Variants in ABR observed in about 807,000 individuals in gnomAD.
The protein encoded by ABR is ABR activator of RhoGEF and GTPase.
ABR carries 35 observed loss-of-function variants against 107.2 expected under a neutral mutation model. The observed-to-expected ratio is 0.33, with a 90% CI of 0.25 to 0.43. ABR has a LOEUF of 0.43. Among genes scored for constraint, ABR ranks in the 20% least tolerant of loss-of-function variants. The pLI, the probability that ABR is intolerant of heterozygous loss-of-function variation, is 1.00. For synonymous variants in ABR, 498 were observed against 462.0 expected, an observed-to-expected ratio of 1.08 and a Z score of -1.00; for missense variants, 815 against 1,115.2, an observed-to-expected ratio of 0.73 and a Z score of 3.83.
upstream of ABR, among the ~76,000 whole-genome samples, chr17:1,183,188 C>G (rs8068232): frequency 6.6e-6 from 1 of 152,092 alleles, no homozygotes; most frequent in Non-Finnish European, 1.5e-5. Context: ...AAATGTGGAC[C>G]GGGTGGGGAC....
intron 2 of ABR, among the ~76,000 whole-genome samples, chr17:1,105,545 G>A (rs2038190606): frequency 1.3e-5 from 2 of 152,150 alleles, no homozygotes; most frequent in Non-Finnish European, 2.9e-5. Flanking sequence ...AGGTGAAACA[G>A]AAATAGAGAT....
chr17:1,097,406 C>T (rs1330180894), intron 3 of ABR, among the ~76,000 whole-genome samples: 1 of 152,052 alleles, frequency 6.6e-6, no homozygotes, highest in Non-Finnish European at 1.5e-5. Context: ...GCCTGGCCAA[C>T]ATGGTGAAAT....
At chr17:1,214,228 C>G (rs951385133) in intron 1 of ABR, among the ~76,000 whole-genome samples, 1 of 151,964 alleles carries the variant, frequency 6.6e-6, no homozygotes, top group Non-Finnish European at 1.5e-5. Flanking sequence ...CCCCGCCCCC[C>G]ACCACCACCT....
chr17:1,070,734 G>A lies in ABR; in HGVS notation c.895-644C>T, dbSNP rs576670235. On this transcript the variant is annotated intron_variant, in intron 8 of 22. Transcript: ENST00000302538. The surrounding 1 kb of genome is among the most constrained non-coding windows in gnomAD (Gnocchi z 4.2). ...GGGCTCTGGGTGGTTTCTGCTCCACGTGGGAGTTCCAGAGTTTCCAACCCC... is the reference window on the plus strand; with the variant it reads ...GGGCTCTGGGTGGTTTCTGCTCCACATGGGAGTTCCAGAGTTTCCAACCCC... 3.5e-4 allele frequency among the ~76,000 whole-genome samples: 53 copies of A among 152,274 alleles called. No individual in the cohort carries two copies. The highest frequency in any genetic ancestry group is 9.4e-4 in the African/African-American group (39 of 41,564).
In ABR at chr17:1,011,984, G is replaced by A. The variant is rs776045570; in HGVS notation, c.1963C>T (p.Arg655Trp). ...FGVKISVVTK[R>W]ERSKVPYIVR... Reference sequence around the variant, plus strand: ...ATGTAGGGCACCTTGGAGCGCTCCCGCCTGGGGTGGAGCGTGAGGATGGGT... The same window carrying A: ...ATGTAGGGCACCTTGGAGCGCTCCCACCTGGGGTGGAGCGTGAGGATGGGT... The change falls in exon 19 of 23, where the codon CGG becomes TGG. Residue 655 changes from arginine (R) to tryptophan (W), a missense_variant and splice_region_variant. By Grantham distance (101) the Arg-to-Trp change is moderately radical. Coordinates refer to ENST00000302538, the MANE Select transcript of ABR (RefSeq NM_021962.5). This position sits in a 1 kb window ranked among gnomAD's most constrained non-coding sequence, Gnocchi z 4.8. The A allele has an allele frequency of 1.9e-6, 3 of 1,612,608 alleles. No homozygotes were observed. Among genetic ancestry groups the A allele is most frequent in the Non-Finnish European group, 2.5e-6 (3 of 1,179,068 alleles).
At chr17:1,187,338 C>T (rs1461864988), upstream of ABR, 2 of 152,362 alleles carry the variant, frequency 1.3e-5, no homozygotes, top group African/African-American at 4.8e-5. Context: ...TGCCTCTGCC[C>T]GTCCTGCGGC....
At chr17:1,064,123 A>T (rs1398798433) in intron 10 of ABR, among the ~76,000 whole-genome samples, 5 of 117,650 alleles carry the variant, frequency 4.2e-5, no homozygotes, top group African/African-American at 1.8e-4. Flanking sequence ...TTGTTATGTG[A>T]ACTGAGGGCT....
rs751194022 is a variant in ABR at position 1,216,990 on chromosome 17, C to T, written c.838+11803G>A. Among the ~76,000 whole-genome samples the T allele has an allele frequency of 7.3e-4, 111 of 152,290 alleles. 1 individual carries two copies. In the Middle Eastern group the frequency reaches 0.017, roughly 23 times the overall value. ...GCATGGTGAGCTGTGCTCAGAGAGC[C>T]AGCGGATGCCAGCCCAGCCTGCTGC... On this transcript the variant is annotated intron_variant, in intron 1 of 22. Coordinates refer to the ABR transcript ENST00000574139.
At chr17:1,180,967 A>G (rs1227129583), upstream of ABR, among the ~76,000 whole-genome samples, 2 of 152,160 alleles carry the variant, frequency 1.3e-5, no homozygotes, top group Non-Finnish European at 2.9e-5. Context: ...ACCCAGGGAA[A>G]GGGAAGCAGT....
intron 1 of ABR, among the ~76,000 whole-genome samples, chr17:1,155,296 C>T (rs2040996001): frequency 6.6e-6 from 1 of 152,122 alleles, no homozygotes; most frequent in Non-Finnish European, 1.5e-5. Flanking sequence ...GGCACCAAGA[C>T]CCTTCATGGG....
At chr17:1,044,617 C>T (rs2031270399) in intron 16 of ABR, among the ~76,000 whole-genome samples, 1 of 151,604 alleles carries the variant, frequency 6.6e-6, no homozygotes, top group Non-Finnish European at 1.5e-5. Flanking sequence ...CGCCATTGCA[C>T]TCCAGCCTGG....
intron 16 of ABR, chr17:1,031,902 GTCCCTCC>G (rs1030292027): frequency 1.8e-5 from 19 of 1,028,602 alleles, no homozygotes; most frequent in Middle Eastern, 7.3e-4. Context: ...CTCCGTCCGC[GTCCCTCC>G]TCCCTCCTCC....
In ABR at chr17:1,150,870, G is replaced by A. The variant is rs2040764958; in HGVS notation, c.62-25503C>T. On this transcript the variant is annotated intron_variant, in intron 1 of 22. Transcript: ENST00000302538. The surrounding 1 kb of genome is among the most constrained non-coding windows in gnomAD (Gnocchi z 4.8). ...GCCCATTCCTGAGCCTCCCTCCCTT[G>A]CTGAGCTACTGGTGCGCGTATGTGT... Among the ~76,000 whole-genome samples the A allele has an allele frequency of 6.6e-6, 1 of 152,138 alleles. No homozygotes were observed. Among genetic ancestry groups the A allele is most frequent in the Non-Finnish European group, 1.5e-5 (1 of 68,032 alleles).
At chr17:1,174,554 G>A (rs1030990974) in intron 1 of ABR, among the ~76,000 whole-genome samples, 4 of 152,180 alleles carry the variant, frequency 2.6e-5, no homozygotes, top group Admixed American at 6.5e-5. Flanking sequence ...CCATAGATGG[G>A]GCACTGAATC....
At chr17:1,152,789 T>C (rs1376097299) in intron 1 of ABR, among the ~76,000 whole-genome samples, 1 of 151,504 alleles carries the variant, frequency 6.6e-6, no homozygotes, top group East Asian at 2.0e-4. Flanking sequence ...TGTCACGTGG[T>C]TAACAAAAAA....
intron 1 of ABR, among the ~76,000 whole-genome samples, chr17:1,196,977 A>G (rs969966406): frequency 1.1e-4 from 16 of 151,724 alleles, no homozygotes; most frequent in Non-Finnish European, 2.1e-4. Flanking sequence ...GACAGGCGTG[A>G]GCCACCGCAC....
Position 1,010,700 on chromosome 17 carries a change from C to T in ABR, c.2236+29G>A. ...GGAGTCCTGGCTCAGTCTGGCCCAG[C>T]CCAGTCCTAGGAGCCCTCAGGGCCT... On this transcript the variant is annotated intron_variant, in intron 20 of 22. Transcript: ENST00000302538. This position sits in a 1 kb window ranked among gnomAD's most constrained non-coding sequence, Gnocchi z 4.1. 1 of 1,610,996 alleles carries T rather than the reference C, an allele frequency of 6.2e-7. No individual in the cohort carries two copies. Among genetic ancestry groups the T allele is most frequent in the Non-Finnish European group, 8.5e-7 (1 of 1,178,922 alleles).
chr17:1,173,089 C>CAA (rs1567857680), intron 1 of ABR, among the ~76,000 whole-genome samples: 1 of 20,370 alleles, frequency 4.9e-5, no homozygotes, highest in Non-Finnish European at 9.7e-5. Flanking sequence ...TCCACCCCCC[C>CAA]CATCATCTCA....
chr17:1,038,632 C>T (rs1049061775), intron 16 of ABR, among the ~76,000 whole-genome samples: 1 of 152,226 alleles, frequency 6.6e-6, no homozygotes, highest in South Asian at 2.1e-4. Flanking sequence ...CTTAGACCCT[C>T]GCCCAGCACC....
Sources: allele counts gnomAD v4.1 joint callset (sites outside exome capture counted in the v4.1 genomes callset), GRCh38; gene constraint gnomAD v4.1.1; non-coding constraint Gnocchi (gnomAD v3.1); transcripts MANE v1.5; gene names NCBI Gene and HGNC (gene_info 2026-07-23, HGNC 2026-07-21).